The following DENND1A variants were observed in gnomAD, a reference collection of about 807,000 sequenced individuals.
DENND1A encodes DENN domain-containing protein 1A.
In DENND1A, 51 loss-of-function variants were observed where a neutral mutation model predicts 113.7. The observed-to-expected ratio is 0.45, with a 90% confidence interval of 0.36 to 0.57. DENND1A has a LOEUF of 0.57. Ranked by LOEUF, DENND1A falls within the 20% of genes least tolerant of loss-of-function variation. DENND1A has a pLI of 0.00. For missense variants in DENND1A, 1,258 were observed against 1,395.9 expected (o/e 0.90, Z 1.57); for synonymous variants, 565 against 570.8 (o/e 0.99, Z 0.14).
chr9:123,775,202 T>C (rs1830283824), intron 3 of DENND1A, among the ~76,000 whole-genome samples: 1 of 152,222 alleles, frequency 6.6e-6, no homozygotes, highest in Non-Finnish European at 1.5e-5. Flanking sequence ...TCTTCACACA[T>C]GCTTCAAATA....
intron 9 of DENND1A, among the ~76,000 whole-genome samples, chr9:123,644,389 A>C (rs1031517794): frequency 4.3e-4 from 64 of 148,846 alleles, no homozygotes; most frequent in Non-Finnish European, 8.3e-4. Flanking sequence ...AAAAAAAAAA[A>C]AAAAAAAAAA....
At chr9:123,464,468 GA>G (rs893059879) in intron 13 of DENND1A, among the ~76,000 whole-genome samples, 3 of 152,198 alleles carry the variant, frequency 2.0e-5, no homozygotes, top group Non-Finnish European at 4.4e-5. Flanking sequence ...TACGTGAAGT[GA>G]AATAAGCCAG....
intron 2 of DENND1A, among the ~76,000 whole-genome samples, chr9:123,835,109 G>C (rs1454427833): frequency 6.8e-6 from 1 of 148,048 alleles, no homozygotes; most frequent in Non-Finnish European, 1.5e-5. Flanking sequence ...TGCTTTAGAG[G>C]GGAAAAAAAA....
intron 13 of DENND1A, among the ~76,000 whole-genome samples, chr9:123,534,120 A>G (rs1044770473): frequency 1.3e-5 from 2 of 152,256 alleles, no homozygotes; most frequent in Non-Finnish European, 2.9e-5. Flanking sequence ...GCATAACACA[A>G]TGAGCATCTG....
At position 123,905,859 on chromosome 9, in the gene DENND1A, A is replaced by G. The variant is rs1311871614; in HGVS notation, c.17+24030T>C. Among the ~76,000 whole-genome samples, 7 of 151,628 alleles carry G rather than the reference A, an allele frequency of 4.6e-5. No homozygotes were observed. In the East Asian group the frequency reaches 1.4e-3, roughly 29 times the overall value. The stretch of plus-strand genomic sequence containing the variant: ...ACTCAGCTCTGCACCAAGCAAACCT[A>G]ATAGACATCTACAGAACTCTCCACC... On this transcript the variant is annotated intron_variant, in intron 1 of 23. Coordinates refer to ENST00000394215, the MANE Select transcript of DENND1A (RefSeq NM_001352964.2).
At chr9:123,658,273 A>C (rs924791073) in intron 8 of DENND1A, among the ~76,000 whole-genome samples, 1 of 152,232 alleles carries the variant, frequency 6.6e-6, no homozygotes, top group South Asian at 2.1e-4. Flanking sequence ...CCATTAATCA[A>C]AAGTAAACTT....
At chr9:123,663,216 A>C (rs553796036) in intron 8 of DENND1A, among the ~76,000 whole-genome samples, 1 of 152,344 alleles carries the variant, frequency 6.6e-6, no homozygotes, top group Non-Finnish European at 1.5e-5. Context: ...CTAAAAAATG[A>C]GTTGCTAAAC....
chr9:123,469,698 G>A (rs2049244018), intron 13 of DENND1A, among the ~76,000 whole-genome samples: 1 of 152,252 alleles, frequency 6.6e-6, no homozygotes, highest in Admixed American at 6.5e-5. Flanking sequence ...AGCAGGTGCA[G>A]TGATTAAAAA....
chr9:123,869,335 A>G (rs1047193005), intron 2 of DENND1A, among the ~76,000 whole-genome samples: 12 of 152,214 alleles, frequency 7.9e-5, no homozygotes, highest in African/African-American at 2.9e-4. Flanking sequence ...TCTTACCTAT[A>G]TAATTAGAAT....
chr9:123,902,709 A>T (rs1355033903), intron 1 of DENND1A, among the ~76,000 whole-genome samples: 1 of 151,962 alleles, frequency 6.6e-6, no homozygotes, highest in African/African-American at 2.4e-5. Flanking sequence ...GGAAACTGAC[A>T]TCCTTAAATA....
chr9:123,592,065 C>G (rs1029763277), intron 11 of DENND1A, among the ~76,000 whole-genome samples: 1 of 152,102 alleles, frequency 6.6e-6, no homozygotes, highest in Non-Finnish European at 1.5e-5. Flanking sequence ...TAATACTGCA[C>G]AGCTGTGTTG....
intron 12 of DENND1A, among the ~76,000 whole-genome samples, chr9:123,573,363 A>G (rs2058461136): frequency 6.6e-6 from 1 of 152,204 alleles, no homozygotes; most frequent in Non-Finnish European, 1.5e-5. Context: ...GAATCTATAG[A>G]TCAATTTAGG....
At chr9:123,692,967 T>C (rs1248349064) in intron 5 of DENND1A, among the ~76,000 whole-genome samples, 1 of 152,224 alleles carries the variant, frequency 6.6e-6, no homozygotes, top group Admixed American at 6.5e-5. Flanking sequence ...TGAAGTGACT[T>C]GCTCAAGATC....
At chr9:123,450,998 G>C (rs559008751) in intron 17 of DENND1A, among the ~76,000 whole-genome samples, 2 of 150,572 alleles carry the variant, frequency 1.3e-5, no homozygotes, top group African/African-American at 4.9e-5. Context: ...TTTTCTTTCC[G>C]TTCCAAAGCC....
intron 13 of DENND1A, among the ~76,000 whole-genome samples, chr9:123,551,790 C>A (rs754892616): frequency 2.6e-5 from 4 of 152,124 alleles, no homozygotes; most frequent in Non-Finnish European, 4.4e-5. Context: ...TGGCCCTCCC[C>A]GCCCTGAGCC....
At chr9:123,679,555 T>C (rs762875422) in intron 5 of DENND1A, among the ~76,000 whole-genome samples, 1 of 152,256 alleles carries the variant, frequency 6.6e-6, no homozygotes, top group East Asian at 1.9e-4. Context: ...TTGTCCCCTG[T>C]ACACTCACAG....
chr9:123,669,288 G>A (rs1157304082), intron 7 of DENND1A, among the ~76,000 whole-genome samples: 1 of 152,098 alleles, frequency 6.6e-6, no homozygotes, highest in Non-Finnish European at 1.5e-5. Context: ...GCAATATGGA[G>A]AGAGGAATTC....
At chr9:123,748,777 T>G (rs981854256) in intron 5 of DENND1A, among the ~76,000 whole-genome samples, 3 of 152,194 alleles carry the variant, frequency 2.0e-5, no homozygotes, top group African/African-American at 7.2e-5. Flanking sequence ...AGAAAAATTG[T>G]TGACACTCAA....
intron 9 of DENND1A, among the ~76,000 whole-genome samples, chr9:123,651,163 T>C (rs1056776377): frequency 6.6e-6 from 1 of 151,878 alleles, no homozygotes; most frequent in Non-Finnish European, 1.5e-5. Flanking sequence ...ATTTATATTA[T>C]ACACACAGCA....
Sources: gnomAD v4.1 joint callset for allele counts (sites outside exome capture counted in the v4.1 genomes callset) on GRCh38, gnomAD v4.1.1 for gene constraint, MANE v1.5 for transcripts, NCBI Gene and HGNC (gene_info 2026-07-23, HGNC 2026-07-21) for gene names.